ZMAT4: variants seen among roughly 807,000 people sequenced by gnomAD.
ZMAT4 encodes zinc finger matrin-type 4.
Under a neutral mutation model 28.7 loss-of-function variants are expected in ZMAT4, and 17 were observed. That is an observed-to-expected ratio of 0.59 (90% CI 0.41 to 0.89). The LOEUF (loss-of-function observed/expected upper bound fraction) is 0.89. Ranked by LOEUF, ZMAT4 falls within the 40% of genes least tolerant of loss-of-function variation. The probability of loss-of-function intolerance (pLI) is 0.00; values close to 1 mark genes in which losing one functional copy is unlikely to be tolerated. For synonymous variants in ZMAT4, 117 were observed against 109.2 expected (o/e 1.07, Z -0.44); for missense variants, 240 against 283.8 (o/e 0.85, Z 1.11).
intron 2 of ZMAT4, among the ~76,000 whole-genome samples, chr8:40,815,782 A>C (rs144290612): frequency 3.8e-4 from 58 of 152,334 alleles, no homozygotes; most frequent in Middle Eastern, 3.4e-3. Flanking sequence ...AGGGGAAATG[A>C]AGAGAAAAGT....
intron 1 of ZMAT4, among the ~76,000 whole-genome samples, chr8:40,857,079 G>A (rs1351290819): frequency 1.3e-5 from 2 of 152,158 alleles, no homozygotes; most frequent in African/African-American, 4.8e-5. Flanking sequence ...AAGCTACCTG[G>A]GCAATACCAG....
intron 1 of ZMAT4, among the ~76,000 whole-genome samples, chr8:40,895,030 G>C (rs1026284392): frequency 2.6e-5 from 4 of 152,166 alleles, no homozygotes; most frequent in Non-Finnish European, 4.4e-5. Context: ...TGATGAAAAG[G>C]GATAACAGAA....
At chr8:40,866,664 A>G (rs1396189646) in intron 1 of ZMAT4, among the ~76,000 whole-genome samples, 1 of 152,188 alleles carries the variant, frequency 6.6e-6, no homozygotes, top group African/African-American at 2.4e-5. Context: ...GGAGGGCAAC[A>G]CCTGCAAAAT....
chr8:40,777,465 C>T (rs1346946109), intron 2 of ZMAT4, among the ~76,000 whole-genome samples: 1 of 152,334 alleles, frequency 6.6e-6, no homozygotes, highest in East Asian at 1.9e-4. Flanking sequence ...AGCCCTTTTC[C>T]TGTTGCCCCG....
chr8:40,862,814 C>A (rs1464015299), intron 1 of ZMAT4, among the ~76,000 whole-genome samples: 2 of 151,168 alleles, frequency 1.3e-5, no homozygotes, highest in Non-Finnish European at 2.9e-5. Flanking sequence ...CACACTGGGG[C>A]CTGTCATGCG....
At chr8:40,688,075 C>G (rs17641448) in intron 4 of ZMAT4, among the ~76,000 whole-genome samples, 14,831 of 152,236 alleles carry the variant, frequency 0.097, 939 homozygotes, top group South Asian at 0.19. Flanking sequence ...CCGAGACAAA[C>G]TGCTGCCTCC....
chr8:40,559,277 G>C (rs1803651792), intron 6 of ZMAT4, among the ~76,000 whole-genome samples: 1 of 152,130 alleles, frequency 6.6e-6, no homozygotes, highest in Non-Finnish European at 1.5e-5. Flanking sequence ...GTGCCTTCAT[G>C]TCCCTGCTTC....
chr8:40,773,960 C>A (rs991429224), intron 2 of ZMAT4, among the ~76,000 whole-genome samples: 4 of 151,824 alleles, frequency 2.6e-5, no homozygotes, highest in African/African-American at 9.7e-5. Flanking sequence ...TAAAAAGTCC[C>A]AAAATAGAGT....
chr8:40,707,657 T>C (rs892656512), intron 3 of ZMAT4, among the ~76,000 whole-genome samples: 1 of 152,156 alleles, frequency 6.6e-6, no homozygotes, highest in Admixed American at 6.5e-5. Flanking sequence ...ATATAAAGTA[T>C]GTGTATGTAT....
chr8:40,569,746 G>A (rs1424447889), intron 6 of ZMAT4, among the ~76,000 whole-genome samples: 1 of 152,152 alleles, frequency 6.6e-6, no homozygotes, highest in Admixed American at 6.5e-5. Flanking sequence ...CGTAAGAACA[G>A]GAAAAAGAGG....
intron 2 of ZMAT4, among the ~76,000 whole-genome samples, chr8:40,783,708 C>A (rs955439176): frequency 1.3e-5 from 2 of 152,174 alleles, no homozygotes; most frequent in East Asian, 3.9e-4. Flanking sequence ...TGAAAAAAAT[C>A]TCAAGTATTA....
At chr8:40,724,603 G>A (rs1811245550) in intron 3 of ZMAT4, among the ~76,000 whole-genome samples, 1 of 152,188 alleles carries the variant, frequency 6.6e-6, no homozygotes, top group African/African-American at 2.4e-5. Context: ...GTGAAAGAAG[G>A]AGAATGACAC....
intron 6 of ZMAT4, among the ~76,000 whole-genome samples, chr8:40,543,804 T>C (rs1377677178): frequency 6.6e-6 from 1 of 152,224 alleles, no homozygotes; most frequent in East Asian, 1.9e-4. Flanking sequence ...AAGACTATTT[T>C]ATACATTTTA....
rs540140433 is a variant in ZMAT4, at chr8:40,683,962, A to T, written c.350-9031T>A. On this transcript the variant is annotated intron_variant, in intron 4 of 6. Coordinates refer to ENST00000297737, the MANE Select transcript of ZMAT4 (RefSeq NM_024645.3). The stretch of plus-strand genomic sequence containing the variant: ...CGCCTGTAGTCCCAGCCACACAGGG[A>T]GGGGCTTAGATGGGAGGATTGCTTG... Among the ~76,000 whole-genome samples, 95 of 151,844 alleles carry T rather than the reference A, an allele frequency of 6.3e-4. 2 individuals are homozygous for T. Among genetic ancestry groups the T allele is most frequent in the Admixed American group, 3.0e-3 (46 of 15,234 alleles).
chr8:40,769,353 C>T (rs1024205869), intron 2 of ZMAT4, among the ~76,000 whole-genome samples: 5 of 152,130 alleles, frequency 3.3e-5, no homozygotes, highest in Non-Finnish European at 5.9e-5. Context: ...TATTTTGCGG[C>T]TTCTACATGT....
At chr8:40,789,320 A>G (rs1261388065) in intron 2 of ZMAT4, among the ~76,000 whole-genome samples, 1 of 152,188 alleles carries the variant, frequency 6.6e-6, no homozygotes, top group Admixed American at 6.5e-5. Context: ...TTTTTCCAAG[A>G]TGAATTAGGC....
chr8:40,874,558 A>G (rs993261474), intron 1 of ZMAT4, among the ~76,000 whole-genome samples: 1 of 152,182 alleles, frequency 6.6e-6, no homozygotes, highest in African/African-American at 2.4e-5. Flanking sequence ...TAAACTACAC[A>G]CATGCATCTT....
intron 5 of ZMAT4, among the ~76,000 whole-genome samples, chr8:40,615,611 G>A (rs561599414): frequency 2.0e-5 from 3 of 152,224 alleles, no homozygotes; most frequent in African/African-American, 7.2e-5. Context: ...ATTTCCTGGA[G>A]GCTTTCTTTG....
intron 3 of ZMAT4, among the ~76,000 whole-genome samples, chr8:40,746,742 C>T (rs1464878247): frequency 2.0e-5 from 3 of 152,176 alleles, no homozygotes. Context: ...CTAAAAACCG[C>T]ACATGGTCTG....
Sources: gnomAD v4.1 joint callset for allele counts (sites outside exome capture counted in the v4.1 genomes callset) on GRCh38, gnomAD v4.1.1 for gene constraint, MANE v1.5 for transcripts, NCBI Gene and HGNC (gene_info 2026-07-23, HGNC 2026-07-21) for gene names.